Variants in C13orf42 observed in about 807,000 individuals in gnomAD.
C13orf42 encodes the protein chromosome 13 open reading frame 42.
chr13:51,137,795 G>GC (rs1226369813), intron 1 of C13orf42, among the ~76,000 whole-genome samples: 2 of 152,174 alleles, frequency 1.3e-5, no homozygotes, highest in Non-Finnish European at 2.9e-5. Flanking sequence ...TCATCCCACA[G>GC]TGGGTTCATG....
chr13:51,170,859 G>A (rs559059042), intron 1 of C13orf42, among the ~76,000 whole-genome samples: 1 of 151,844 alleles, frequency 6.6e-6, no homozygotes, highest in South Asian at 2.1e-4. Flanking sequence ...CTGGAGCAGG[G>A]GCAAGTACCC....
At chr13:51,119,772 G>A (rs1218938732) in intron 1 of C13orf42, among the ~76,000 whole-genome samples, 1 of 152,162 alleles carries the variant, frequency 6.6e-6, no homozygotes, top group Non-Finnish European at 1.5e-5. Flanking sequence ...GGAAGTTAGT[G>A]CTTGATCTGG....
At chr13:51,141,138 GTA>G (rs1555268145) in intron 1 of C13orf42, among the ~76,000 whole-genome samples, 1 of 141,970 alleles carries the variant, frequency 7.0e-6, no homozygotes, top group East Asian at 2.0e-4. Context: ...GTGTGTGTGT[GTA>G]TGCATGTTTG....
intron 1 of C13orf42, among the ~76,000 whole-genome samples, chr13:51,128,412 T>G (rs977387033): frequency 6.6e-6 from 1 of 152,098 alleles, no homozygotes; most frequent in South Asian, 2.1e-4. Context: ...CTCAAGGAAA[T>G]AGACGGCAGC....
chr13:51,150,918 T>A (rs1953773419), intron 1 of C13orf42, among the ~76,000 whole-genome samples: 1 of 152,136 alleles, frequency 6.6e-6, no homozygotes, highest in Non-Finnish European at 1.5e-5. Flanking sequence ...CCCAGCTAAA[T>A]GAAAAATACC....
At chr13:51,141,590 G>C (rs1414216812) in intron 1 of C13orf42, among the ~76,000 whole-genome samples, 5 of 152,066 alleles carry the variant, frequency 3.3e-5, no homozygotes, top group Non-Finnish European at 7.4e-5. Context: ...ATGAGGTCAG[G>C]AGTTCGAGAC....
At chr13:51,162,081 C>T (rs898869912) in intron 1 of C13orf42, 4 of 333,068 alleles carry the variant, frequency 1.2e-5, no homozygotes, top group East Asian at 7.3e-5. Flanking sequence ...ACCTTTACAC[C>T]GTATTTTGGA....
chr13:51,097,743 T>A (rs1953250450), intron 1 of C13orf42, among the ~76,000 whole-genome samples: 1 of 151,172 alleles, frequency 6.6e-6, no homozygotes, highest in African/African-American at 2.4e-5. Context: ...TCCCTCCCAA[T>A]CTTGATTTTT....
At chr13:51,159,670 C>T (rs546799290) in intron 1 of C13orf42, among the ~76,000 whole-genome samples, 3 of 152,190 alleles carry the variant, frequency 2.0e-5, no homozygotes, top group Admixed American at 1.3e-4. Flanking sequence ...GAAATAGATC[C>T]GAAGGACATG....
At chr13:51,165,174 C>T (rs1300097181) in intron 1 of C13orf42, among the ~76,000 whole-genome samples, 1 of 152,160 alleles carries the variant, frequency 6.6e-6, no homozygotes, top group East Asian at 1.9e-4. Context: ...AGCAAGAGAT[C>T]AAAGACCCAG....
intron 1 of C13orf42, among the ~76,000 whole-genome samples, chr13:51,159,014 C>T (rs1322056988): frequency 1.3e-5 from 2 of 152,202 alleles, no homozygotes; most frequent in Non-Finnish European, 2.9e-5. Flanking sequence ...GATAAGCTGG[C>T]CCCTTTCAAT....
intron 1 of C13orf42, among the ~76,000 whole-genome samples, chr13:51,094,446 T>G (rs1350200083): frequency 6.6e-6 from 1 of 152,228 alleles, no homozygotes; most frequent in Non-Finnish European, 1.5e-5. Context: ...TACAATACAT[T>G]TCACTTTTAA....
intron 1 of C13orf42, among the ~76,000 whole-genome samples, chr13:51,103,429 G>A (rs1307599410): frequency 4.6e-5 from 7 of 152,212 alleles, no homozygotes; most frequent in East Asian, 1.9e-4. Context: ...TGGGCCAGGC[G>A]CAGTGGCTCA....
At chr13:51,100,701 T>C (rs1953281067) in intron 1 of C13orf42, among the ~76,000 whole-genome samples, 1 of 152,286 alleles carries the variant, frequency 6.6e-6, no homozygotes, top group East Asian at 1.9e-4. Context: ...GAAGAGCTTA[T>C]TAGAAACCCA....
intron 1 of C13orf42, among the ~76,000 whole-genome samples, chr13:51,162,756 A>G (rs1953876363): frequency 1.3e-5 from 2 of 152,168 alleles, no homozygotes; most frequent in Admixed American, 1.3e-4. Flanking sequence ...GCGATATTTG[A>G]ATACCTTGAT....
At chr13:51,171,165 T>C (rs979806291) in intron 1 of C13orf42, among the ~76,000 whole-genome samples, 1 of 152,118 alleles carries the variant, frequency 6.6e-6, no homozygotes, top group South Asian at 2.1e-4. Flanking sequence ...TCCCTTAGCC[T>C]GTGTTCTCAA....
chr13:51,103,886 G>A (rs1222489165), intron 1 of C13orf42, among the ~76,000 whole-genome samples: 1 of 152,144 alleles, frequency 6.6e-6, no homozygotes, highest in Admixed American at 6.5e-5. Flanking sequence ...GGGGAAAGGG[G>A]GAAATGAGGA....
intron 1 of C13orf42, chr13:51,171,956 CA>C (rs1176607680): frequency 2.6e-5 from 4 of 152,178 alleles, no homozygotes; most frequent in South Asian, 2.1e-4. Flanking sequence ...TTCTGGCCCT[CA>C]AACCCCACAA....
intron 1 of C13orf42, among the ~76,000 whole-genome samples, chr13:51,159,182 A>C (rs1953845161): frequency 6.6e-6 from 1 of 152,144 alleles, no homozygotes; most frequent in Non-Finnish European, 1.5e-5. Context: ...TCCCCACTAA[A>C]TGAAAATGCA....
Sources: allele counts gnomAD v4.1 joint callset (sites outside exome capture counted in the v4.1 genomes callset), GRCh38; gene constraint gnomAD v4.1.1; transcripts MANE v1.5; gene names NCBI Gene and HGNC (gene_info 2026-07-23, HGNC 2026-07-21).